The following EYS variants were observed in gnomAD, a reference collection of about 807,000 sequenced individuals.
EYS encodes the protein EGF-like photoreceptor maintenance factor.
A neutral mutation model predicts 282.1 loss-of-function variants in EYS; 250 were observed. That is an observed-to-expected ratio of 0.89 (90% CI 0.80 to 0.98). EYS has a LOEUF of 0.98. Among genes scored for constraint, EYS ranks in the 50% least tolerant of loss-of-function variants. The pLI is 0.00. For missense variants in EYS, 4,016 were observed against 3,709.0 expected (o/e 1.08, Z -2.15); for synonymous variants, 1,355 against 1,282.9 (o/e 1.06, Z -1.20).
At chr6:64,643,388 A>G (rs1768241214) in intron 22 of EYS, among the ~76,000 whole-genome samples, 1 of 152,344 alleles carries the variant, frequency 6.6e-6, no homozygotes, top group East Asian at 1.9e-4. Context: ...GGCCAAAAAC[A>G]TGAATAAACA....
At chr6:63,738,488 C>CA (rs1213401225) in intron 41 of EYS, among the ~76,000 whole-genome samples, 1 of 147,856 alleles carries the variant, frequency 6.8e-6, no homozygotes, top group African/African-American at 2.5e-5. Context: ...ATCGCAAGAA[C>CA]AAAAAACCAA....
intron 5 of EYS, among the ~76,000 whole-genome samples, chr6:65,456,549 A>G (rs770974602): frequency 1.3e-5 from 2 of 152,186 alleles, no homozygotes; most frequent in Non-Finnish European, 2.9e-5. Context: ...AATTATAAAA[A>G]AAAGAACATT....
chr6:65,624,344 C>T (rs1175691186), intron 2 of EYS, among the ~76,000 whole-genome samples: 1 of 152,112 alleles, frequency 6.6e-6, no homozygotes, highest in East Asian at 1.9e-4. Flanking sequence ...AGCTTACATG[C>T]TAAAAGAAAC....
At chr6:64,432,938 T>G (rs1774621302) in intron 28 of EYS, among the ~76,000 whole-genome samples, 1 of 152,048 alleles carries the variant, frequency 6.6e-6, no homozygotes, top group Admixed American at 6.6e-5. Flanking sequence ...TATGTGTGCT[T>G]TTAGTATCTT....
intron 1 of EYS, among the ~76,000 whole-genome samples, chr6:65,680,741 G>A (rs972475578): frequency 2.0e-5 from 3 of 151,732 alleles, no homozygotes; most frequent in African/African-American, 7.3e-5. Flanking sequence ...ATTCTCTTCC[G>A]ACAGAGGAGA....
rs1582140999 is a variant in EYS, at chr6:63,721,924, T to C, written c.8234-127A>G. On this transcript the variant is annotated intron_variant, in intron 42 of 42. Coordinates refer to ENST00000503581, the MANE Select transcript of EYS (RefSeq NM_001142800.2). The stretch of plus-strand genomic sequence containing the variant: ...AAAAAGTAACAGATCTTGAGCACAA[T>C]TGTGTTAGTTTTGTTTCCACTCACA... The C allele has an allele frequency of 3.6e-6, 3 of 834,192 alleles. No homozygotes were observed. The African/African-American group carries it at 5.2e-5, about 14-fold the overall frequency. The allele number at this position is 834,192 out of a possible 1,614,324, so 51.7% of individuals were successfully genotyped here.
chr6:63,908,011 C>CGT lies in EYS; in HGVS notation c.7056-43655_7056-43654dup, dbSNP rs1491259384. Among the ~76,000 whole-genome samples the CGT allele has an allele frequency of 5.5e-3, 119 of 21,776 alleles. 1 individual carries two copies. Among genetic ancestry groups the CGT allele is most frequent in the African/African-American group, 6.9e-3 (38 of 5,534 alleles). The allele number at this position is 21,776 out of a possible 152,430, so 14.3% of individuals were successfully genotyped here. The stretch of plus-strand genomic sequence containing the variant: ...GTACACACACACACACACACACAAA[C>CGT]GTATATATATATATATATATACGTT... On this transcript the variant is annotated intron_variant, in intron 35 of 42. Transcript: ENST00000503581.
intron 12 of EYS, among the ~76,000 whole-genome samples, chr6:65,138,595 G>A (rs554996516): frequency 2.6e-5 from 4 of 152,020 alleles, no homozygotes; most frequent in East Asian, 1.9e-4. Context: ...CCTAGGATCC[G>A]AGAAATAACA....
At chr6:64,948,973 A>G (rs938258515) in intron 14 of EYS, among the ~76,000 whole-genome samples, 11 of 151,982 alleles carry the variant, frequency 7.2e-5, no homozygotes, top group Non-Finnish European at 1.5e-4. Context: ...CATAAACTAT[A>G]TAGTAGTTCA....
intron 30 of EYS, among the ~76,000 whole-genome samples, chr6:64,274,503 T>TTTTA (rs55928528): frequency 6.8e-6 from 1 of 148,036 alleles, no homozygotes; most frequent in Non-Finnish European, 1.5e-5. Flanking sequence ...TTTTTTTTTT[T>TTTTA]ACAAATCAGC....
At chr6:65,686,417 G>A (rs1040183138) in intron 1 of EYS, among the ~76,000 whole-genome samples, 2 of 152,054 alleles carry the variant, frequency 1.3e-5, no homozygotes, top group African/African-American at 4.8e-5. Context: ...TCTTTCTGGT[G>A]CTCCAATGGC....
intron 35 of EYS, among the ~76,000 whole-genome samples, chr6:63,955,165 C>T (rs1765762904): frequency 6.6e-6 from 1 of 152,046 alleles, no homozygotes; most frequent in African/African-American, 2.4e-5. Flanking sequence ...TTCTGTCAAA[C>T]ATAATTCCTT....
At chr6:63,858,254 G>T (rs1174385564) in intron 36 of EYS, among the ~76,000 whole-genome samples, 1 of 152,146 alleles carries the variant, frequency 6.6e-6, no homozygotes, top group Non-Finnish European at 1.5e-5. Flanking sequence ...TGATTTTACT[G>T]TAAATTATTT....
intron 22 of EYS, among the ~76,000 whole-genome samples, chr6:64,808,117 TCCTTC>T (rs977970361): frequency 2.9e-4 from 44 of 150,442 alleles, no homozygotes; most frequent in African/African-American, 9.2e-4. Flanking sequence ...TTCTTCCCTT[TCCTTC>T]CCTTCCCTTC....
chr6:65,490,363 A>G, intron 5 of EYS: 1 of 366,512 alleles, frequency 2.7e-6, no homozygotes, highest in Non-Finnish European at 5.0e-6. Flanking sequence ...GGTGAAAAGC[A>G]TGTGAACTGT....
At chr6:65,358,786 T>G (rs1398523070) in intron 8 of EYS, among the ~76,000 whole-genome samples, 3 of 151,942 alleles carry the variant, frequency 2.0e-5, no homozygotes, top group Non-Finnish European at 4.4e-5. Context: ...CATATTTCTA[T>G]AAGAAAATAA....
At chr6:64,266,193 A>G (rs865799333) in intron 30 of EYS, among the ~76,000 whole-genome samples, 2 of 152,276 alleles carry the variant, frequency 1.3e-5, no homozygotes, top group Middle Eastern at 3.4e-3. Context: ...TCACAAAATT[A>G]TAAGTGTACA....
intron 19 of EYS, among the ~76,000 whole-genome samples, chr6:64,866,544 A>G (rs1044031148): frequency 2.0e-5 from 3 of 151,856 alleles, no homozygotes; most frequent in Non-Finnish European, 4.4e-5. Context: ...CCTGTATTGA[A>G]GGAACATTAA....
At chr6:65,016,885 A>G (rs1488674278) in intron 13 of EYS, among the ~76,000 whole-genome samples, 2 of 152,294 alleles carry the variant, frequency 1.3e-5, no homozygotes, top group African/African-American at 4.8e-5. Flanking sequence ...GATCTAGCTA[A>G]CACTGTATAT....
Sources: allele counts gnomAD v4.1 joint callset (sites outside exome capture counted in the v4.1 genomes callset), GRCh38; gene constraint gnomAD v4.1.1; transcripts MANE v1.5; gene names NCBI Gene and HGNC (gene_info 2026-07-23, HGNC 2026-07-21).